The following KLHL5 variants were observed in gnomAD, a reference collection of about 807,000 sequenced individuals.
KLHL5 encodes kelch-like protein 5.
Under a neutral mutation model 77.7 loss-of-function variants are expected in KLHL5, and 48 were observed. That is an observed-to-expected ratio of 0.62 (90% CI 0.49 to 0.79). The LOEUF is 0.79. Among genes scored for constraint, KLHL5 ranks in the 30% least tolerant of loss-of-function variants. The pLI, the probability that KLHL5 is intolerant of heterozygous loss-of-function variation, is 0.00. For synonymous variants in KLHL5, 260 were observed against 297.0 expected (o/e 0.88, Z 1.28); for missense variants, 723 against 859.7 (o/e 0.84, Z 1.99).
At chr4:39,046,939 C>A (rs1406083171) in intron 1 of KLHL5, among the ~76,000 whole-genome samples, 3 of 152,140 alleles carry the variant, frequency 2.0e-5, no homozygotes, top group Non-Finnish European at 4.4e-5. Context: ...TCCTTTCTTG[C>A]AACAAGATTC....
the KLHL5 span, among the ~76,000 whole-genome samples, chr4:39,139,764 A>G: frequency 6.6e-6 from 1 of 152,248 alleles, no homozygotes; most frequent in African/African-American, 2.4e-5. Context: ...CAATAGTATC[A>G]CTTCTGTGAT....
chr4:39,120,505 G>A (rs528085102), intron 10 of KLHL5, among the ~76,000 whole-genome samples: 2 of 152,306 alleles, frequency 1.3e-5, no homozygotes, highest in South Asian at 4.1e-4. Context: ...TTTCAGCCAT[G>A]CACGTAGAAG....
chr4:39,083,495 C>T (rs1369044429), intron 4 of KLHL5, among the ~76,000 whole-genome samples: 6 of 152,204 alleles, frequency 3.9e-5, no homozygotes, highest in African/African-American at 1.4e-4. Flanking sequence ...AGAGTCTCAA[C>T]TGAAAAAATA....
chr4:39,076,233 T>G (rs140183024), intron 2 of KLHL5, 86 bp downstream of exon 2: 1 of 1,180,926 alleles, frequency 8.5e-7, no homozygotes, highest in Non-Finnish European at 1.2e-6. Context: ...TTCAATTGAC[T>G]ATTATGTTTT....
At chr4:39,141,806 G>A in the KLHL5 span, among the ~76,000 whole-genome samples, 8 of 152,184 alleles carry the variant, frequency 5.3e-5, no homozygotes, top group Non-Finnish European at 1.0e-4. Context: ...AAAGAAAAAA[G>A]AAAAAGAGGG....
the KLHL5 span, among the ~76,000 whole-genome samples, chr4:39,139,278 A>G: frequency 6.7e-6 from 1 of 148,670 alleles, no homozygotes; most frequent in Admixed American, 6.7e-5. Context: ...ATGAAACTCC[A>G]TCTCAAAAAA....
At chr4:39,110,017 C>T (rs1414156830) in intron 8 of KLHL5, among the ~76,000 whole-genome samples, 2 of 152,182 alleles carry the variant, frequency 1.3e-5, no homozygotes, top group Admixed American at 6.5e-5. Flanking sequence ...CTTATTTAGA[C>T]TTCCAATTGC....
intron 10 of KLHL5, 21 bp downstream of exon 10, chr4:39,115,351 T>C: frequency 1.2e-6 from 2 of 1,613,516 alleles, no homozygotes; most frequent in Non-Finnish European, 1.7e-6. Flanking sequence ...CATGTTTCAT[T>C]ATTACACTGA....
chr4:39,078,741 T>G (rs1006724388), intron 2 of KLHL5, among the ~76,000 whole-genome samples: 1 of 151,960 alleles, frequency 6.6e-6, no homozygotes, highest in African/African-American at 2.4e-5. Context: ...CTTTGGGGAC[T>G]TGGGGGAAAG....
At chr4:39,084,081 AG>A (rs1719845333) in intron 4 of KLHL5, among the ~76,000 whole-genome samples, 1 of 152,248 alleles carries the variant, frequency 6.6e-6, no homozygotes, top group African/African-American at 2.4e-5. Context: ...CCGTAATTTC[AG>A]TTGCCTAAAA....
chr4:39,096,923 G>T (rs184858204), intron 6 of KLHL5, 45 bp downstream of exon 6: 27 of 1,500,030 alleles, frequency 1.8e-5, no homozygotes, highest in Middle Eastern at 3.4e-4. Context: ...CAGAGAAAAA[G>T]ATATTTTAAT....
At chr4:39,047,668 C>T (rs1716301385) in intron 1 of KLHL5, among the ~76,000 whole-genome samples, 1 of 152,194 alleles carries the variant, frequency 6.6e-6, no homozygotes, top group African/African-American at 2.4e-5. Context: ...TCTAGGGCAC[C>T]TTCTTCTGTG....
At chr4:39,120,796 C>CATGATGTACCCAAAACAACTTAGTCT (rs1366464485) in intron 10 of KLHL5, among the ~76,000 whole-genome samples, 9 of 152,212 alleles carry the variant, frequency 5.9e-5, no homozygotes, top group Non-Finnish European at 1.0e-4. Flanking sequence ...GCTACACAAT[C>CATGATGTACCCAAAACAACTTAGTCT]ATGATGTACC....
At chr4:39,141,600 C>T in the KLHL5 span, among the ~76,000 whole-genome samples, 4 of 151,984 alleles carry the variant, frequency 2.6e-5, no homozygotes, top group East Asian at 1.9e-4. Flanking sequence ...CATGAGCCAC[C>T]GAGCCCGGCC....
chr4:39,081,575 C>T lies in KLHL5; in HGVS notation c.703+336C>T, dbSNP rs75714487. On this transcript the variant is annotated intron_variant, in intron 3 of 10. Coordinates refer to ENST00000504108, the MANE Select transcript of KLHL5 (RefSeq NM_015990.5). This position sits in a 1 kb window ranked among gnomAD's most constrained non-coding sequence, Gnocchi z 4.3. ...AGCACTTCGGGAAGCCAAGGCAGGA[C>T]GGATGATCGCTTGAGCCCAGGAGTT... Among the ~76,000 whole-genome samples, 1,378 of 151,656 alleles carry T rather than the reference C, an allele frequency of 9.1e-3. 49 individuals carry two copies. In the East Asian group the frequency reaches 0.13, roughly 14 times the overall value.
At chr4:39,084,693 A>G (rs986131771) in intron 4 of KLHL5, among the ~76,000 whole-genome samples, 1 of 152,186 alleles carries the variant, frequency 6.6e-6, no homozygotes, top group Non-Finnish European at 1.5e-5. Context: ...TATTTACGTG[A>G]TAGTCCTTTT....
intron 5 of KLHL5, among the ~76,000 whole-genome samples, chr4:39,094,471 C>T (rs2109455973): frequency 6.6e-6 from 1 of 150,914 alleles, no homozygotes; most frequent in South Asian, 2.1e-4. Context: ...TATTAGAATT[C>T]CAAGAGAATC....
In KLHL5 at chr4:39,101,859, A is replaced by ATATAT. The variant is rs71304785; in HGVS notation, c.1301-1428_1301-1427insTATAT. Among the ~76,000 whole-genome samples, 181 of 104,740 alleles carry ATATAT rather than the reference A, an allele frequency of 1.7e-3. 3 individuals carry two copies. In the East Asian group the frequency reaches 0.026, roughly 15 times the overall value. 68.7% of individuals were successfully genotyped at this position (104,740 alleles called of 152,430 possible). ...ACAGTCTGTCTCAAAAAAAAAAAAA[A>ATATAT]ATATATATATATATATATACACACA... On this transcript the variant is annotated intron_variant, in intron 6 of 10. Transcript: ENST00000504108.
intron 1 of KLHL5, chr4:39,063,539 T>C (rs1199691563): frequency 6.9e-6 from 3 of 432,136 alleles, no homozygotes; most frequent in East Asian, 7.0e-5. Context: ...ATTTTTCTTA[T>C]GGTTATTTCT....
Sources: gnomAD v4.1 joint callset for allele counts (sites outside exome capture counted in the v4.1 genomes callset) on GRCh38, gnomAD v4.1.1 for gene constraint, Gnocchi (gnomAD v3.1) non-coding constraint, MANE v1.5 for transcripts, NCBI Gene and HGNC (gene_info 2026-07-23, HGNC 2026-07-21) for gene names.